Variants in COG8 observed in about 807,000 individuals in gnomAD.
COG8 encodes the protein component of oligomeric golgi complex 8, also known as conserved oligomeric Golgi complex subunit 8.
COG8 carries 45 observed loss-of-function variants against 46.5 expected under a neutral mutation model. The ratio of observed to expected loss-of-function variants is 0.97; its 90% CI spans 0.76 to 1.24. The LOEUF (loss-of-function observed/expected upper bound fraction) is 1.24, where lower values mean the gene tolerates loss of function less well. COG8 is among the 50% of genes most tolerant of loss of function. The pLI is 0.00. For synonymous variants in COG8, 407 were observed against 347.8 expected, an observed-to-expected ratio of 1.17 and a Z score of -1.90; for missense variants, 793 against 820.8, an observed-to-expected ratio of 0.97 and a Z score of 0.41.
chr16:69,337,518 A>G (rs1172401390), intron 1 of COG8, among the ~76,000 whole-genome samples: 1 of 152,190 alleles, frequency 6.6e-6, no homozygotes, highest in East Asian at 1.9e-4. Flanking sequence ...CTCCTATGCT[A>G]ATGTTCAACC....
rs759758378 is a variant in COG8, at chr16:69,327,711, G to GT, written c.*1494dup. 1 of 152,002 alleles carries GT rather than the reference G, an allele frequency of 6.6e-6. No individual in the cohort carries two copies. Among genetic ancestry groups the GT allele is most frequent in the South Asian group, 2.1e-4 (1 of 4,810 alleles). The allele number at this position is 152,002 out of a possible 1,614,324, so 9.4% of individuals were successfully genotyped here. On this transcript the variant is annotated 3_prime_UTR_variant, in exon 6 of 6. Coordinates refer to ENST00000306875, the MANE Select transcript of COG8 (RefSeq NM_032382.5). The stretch of plus-strand genomic sequence containing the variant: ...CTCAGCATAAAAATGAGGTGAAACA[G>GT]TTTAACTAAAACTGGAGTTTGGCTG...
chr16:69,339,098 T>C lies in COG8; in HGVS notation c.377+78A>G. On this transcript the variant is annotated intron_variant, in intron 1 of 5. Transcript: ENST00000306875. ...AGAACCTGGAACGTGGTAAACGCTT[T>C]ATGTGTTAGTTATTTCTACCATCGT... is the stretch of plus-strand genomic sequence containing the variant. The C allele has an allele frequency of 1.9e-6, 3 of 1,599,126 alleles. No homozygotes were observed. The South Asian group carries it at 3.3e-5, about 18-fold the overall frequency.
chr16:69,330,503 G>A (rs1236993803), intron 5 of COG8: 6 of 1,472,198 alleles, frequency 4.1e-6, no homozygotes, highest in African/African-American at 1.5e-5. Flanking sequence ...ACCGACGGCT[G>A]CCGCCCCGCC....
Position 69,339,318 on chromosome 16 carries a change from T to TCTG in COG8, c.232_234dup (p.Gln78dup), listed in dbSNP as rs2012397443. On this transcript the variant is annotated inframe_insertion, in exon 1 of 6. Transcript: ENST00000306875. ...TAGTTAGCGAAGGCCAAGTCGCGCGTCTGCTGCAGCAGCTGCGCCCGCTCC... is the reference window on the plus strand; with the variant it reads ...TAGTTAGCGAAGGCCAAGTCGCGCGTCTGCTGCTGCAGCAGCTGCGCCCGCTCC... 1 of 1,610,372 alleles carries TCTG rather than the reference T, an allele frequency of 6.2e-7. No individual in the cohort carries two copies.
At chr16:69,330,790 C>A in intron 5 of COG8, 23 bp downstream of exon 5, 1 of 1,507,278 alleles carries the variant, frequency 6.6e-7, no homozygotes. Context: ...TCCTGGCCAC[C>A]CCGCGCCGGG....
At chr16:69,338,517 TATA>T (rs2012331700) in intron 1 of COG8, 1 of 152,662 alleles carries the variant, frequency 6.6e-6, no homozygotes, top group African/African-American at 2.4e-5. Flanking sequence ...AGCTCACACC[TATA>T]ATGTTAACTG....
intron 4 of COG8, 125 bp from the exon 5 acceptor site, chr16:69,331,220 G>A (rs9928658): frequency 1.1e-4 from 103 of 967,324 alleles, no homozygotes; most frequent in African/African-American, 9.6e-4. Flanking sequence ...GGCCGGGGAG[G>A]GGGGGGCGGA....
At chr16:69,330,488 C>T (rs2011715638) in intron 5 of COG8, 1 of 1,473,158 alleles carries the variant, frequency 6.8e-7, no homozygotes, top group African/African-American at 1.5e-5. Context: ...GCTGCAAGCC[C>T]GGACACCGAC....
In COG8 at chr16:69,332,808, G is replaced by T. The variant is rs759654404; in HGVS notation, c.1488C>A (p.Val496=). 2.5e-6 allele frequency: 4 copies of T among 1,614,206 alleles called. No individual in the cohort carries two copies. The highest frequency in any genetic ancestry group is 2.2e-5 in the South Asian group (2 of 91,088). ...CTTCCAGGAAGACAGTGCAGAACTGGACAAAGAGCTCTTGCTCCCCGCTGC... is the reference window on the plus strand; with the variant it reads ...CTTCCAGGAAGACAGTGCAGAACTGTACAAAGAGCTCTTGCTCCCCGCTGC... ...AFSSGEQELF[V]QFCTVFLEDL... Residue 496 remains valine (V), a synonymous_variant, in exon 4 of 6, where the codon GTC becomes GTA. Coordinates refer to ENST00000306875, the MANE Select transcript of COG8 (RefSeq NM_032382.5).
chr16:69,330,977 G>A lies in COG8; in HGVS notation c.1701C>T (p.Asp567=). The A allele has an allele frequency of 6.2e-7, 1 of 1,600,160 alleles. No homozygotes were observed. The highest frequency in any genetic ancestry group is 8.5e-7 in the Non-Finnish European group (1 of 1,173,928). The change falls in exon 5 of 6, where the codon GAC becomes GAT. Residue 567 remains aspartate (D), a synonymous_variant. Coordinates refer to ENST00000306875, the MANE Select transcript of COG8 (RefSeq NM_032382.5). ...CTGTGAGCTCGGGCCCCAGCGCCTG[G>A]TCATCCAGGGTGAAAAGCGTCTCTC... ...PKRETLFTLD[D]QALGPELTAP...
Position 69,328,136 on chromosome 16 carries a change from C to G in COG8, c.*1070G>C, listed in dbSNP as rs1965660242. 1 of 152,190 alleles carries G rather than the reference C, an allele frequency of 6.6e-6. No individual in the cohort carries two copies. Among genetic ancestry groups the G allele is most frequent in the South Asian group, 2.1e-4 (1 of 4,838 alleles). The allele number at this position is 152,190 out of a possible 1,614,324, so 9.4% of individuals were successfully genotyped here. On this transcript the variant is annotated 3_prime_UTR_variant, in exon 6 of 6. Coordinates refer to ENST00000306875, the MANE Select transcript of COG8 (RefSeq NM_032382.5). ...CTAATTTTTGTATCTTTAGTAGAGA[C>G]AGGGTTTCACCATCTTGGCCAGGCT...
In COG8 at chr16:69,330,934, G is replaced by A. The variant is rs765849743; in HGVS notation, c.1744C>T (p.Pro582Ser). The A allele has an allele frequency of 2.6e-6, 4 of 1,560,244 alleles. No individual in the cohort carries two copies. The highest frequency in any genetic ancestry group is 2.6e-6 in the Non-Finnish European group (3 of 1,152,608). Residue 582 changes from proline (P) to serine (S), a missense_variant, in exon 5 of 6, where the codon CCC becomes TCC. Physicochemically the swap from Pro to Ser is moderately conservative, Grantham distance 74. Coordinates refer to ENST00000306875, the MANE Select transcript of COG8 (RefSeq NM_032382.5). ...GGCTCCAGGCGTGGCTCCTCGGCGG[G>A]AGGCTCTGGTGCTGGAGCTGTGAGC... ...PELTAPAPEP[P>S]AEEPRLEPAG...
chr16:69,329,015 C>CT lies in COG8; in HGVS notation c.*190_*191insA, dbSNP rs1191475130. The CT allele has an allele frequency of 1.2e-6, 2 of 1,602,782 alleles. No individual in the cohort carries two copies. The highest frequency in any genetic ancestry group is 1.7e-6 in the Non-Finnish European group (2 of 1,176,752). On this transcript the variant is annotated 3_prime_UTR_variant, in exon 6 of 6. Transcript: ENST00000306875. ...TATCCGGAATCCTCAGCCCCAGTAG[C>CT]AAAGCTTTAGTCATTCACCTTCATC...
chr16:69,329,302 G>T, intron 5 of COG8, 123 bp from the exon 6 acceptor site: 2 of 1,006,856 alleles, frequency 2.0e-6, no homozygotes, highest in Non-Finnish European at 2.7e-6. Context: ...GATGGCAAAT[G>T]TAGACAGCAG....
At position 69,329,006 on chromosome 16, in the gene COG8, C is replaced by T. The variant is rs1318942685; in HGVS notation, c.*200G>A. 1.3e-6 allele frequency: 2 copies of T among 1,599,838 alleles called. No individual in the cohort carries two copies. Among genetic ancestry groups the T allele is most frequent in the African/African-American group, 1.3e-5 (1 of 74,362 alleles). On this transcript the variant is annotated 3_prime_UTR_variant, in exon 6 of 6. Transcript: ENST00000306875. ...GCGTCTTGGTATCCGGAATCCTCAG[C>T]CCCAGTAGCAAAGCTTTAGTCATTC...
chr16:69,339,446 G>C lies in COG8; in HGVS notation c.107C>G (p.Pro36Arg), dbSNP rs768992131. 4 of 1,593,586 alleles carry C rather than the reference G, an allele frequency of 2.5e-6. No individual in the cohort carries two copies. Among genetic ancestry groups the C allele is most frequent in the Non-Finnish European group, 1.7e-6 (2 of 1,175,554 alleles). Residue 36 changes from proline (P) to arginine (R), a missense_variant, in exon 1 of 6, where the codon CCC (proline) becomes CGC (arginine). Transcript: ENST00000306875. ...GGGCCGCTCGCGCCACTGGGCCTCG[G>C]GGAAGCGGTCCCGGAACAGCGACGC... ...LLASLFRDRF[P>R]EAQWRERPDV...
intron 3 of COG8, among the ~76,000 whole-genome samples, chr16:69,334,201 C>G (rs952027125): frequency 1.3e-5 from 2 of 152,202 alleles, no homozygotes; most frequent in Non-Finnish European, 2.9e-5. Flanking sequence ...TGTGCTGTGC[C>G]TGGACTCCTG....
chr16:69,329,654 G>C (rs1055575114), intron 5 of COG8, among the ~76,000 whole-genome samples: 2 of 152,266 alleles, frequency 1.3e-5, no homozygotes, highest in Non-Finnish European at 2.9e-5. Flanking sequence ...CCTGGGCTGG[G>C]TCAGGCTGGC....
chr16:69,331,002 C>T lies in COG8; in HGVS notation c.1676G>A (p.Arg559Lys), dbSNP rs1278521851. Residue 559 changes from arginine to lysine, a missense_variant, in exon 5 of 6, where the codon AGA becomes AAA. By Grantham distance (26) the Arg-to-Lys change is conservative (BLOSUM62 2). Transcript: ENST00000306875. ...QEPLAFILPK[R>K]ETLFTLDDQA... ...GTCATCCAGGGTGAAAAGCGTCTCTCTCTTTGGCAGGATAAAGGCGAGGGG... is the reference window on the plus strand; with the variant it reads ...GTCATCCAGGGTGAAAAGCGTCTCTTTCTTTGGCAGGATAAAGGCGAGGGG... The T allele has an allele frequency of 1.9e-6, 3 of 1,611,510 alleles. No individual in the cohort carries two copies. The highest frequency in any genetic ancestry group is 1.1e-5 in the South Asian group (1 of 90,546).
Sources: gnomAD v4.1 joint callset for allele counts (sites outside exome capture counted in the v4.1 genomes callset) on GRCh38, gnomAD v4.1.1 for gene constraint, MANE v1.5 for transcripts, NCBI Gene and HGNC (gene_info 2026-07-23, HGNC 2026-07-21) for gene names.